The following NRG4 variants were observed in gnomAD, a reference collection of about 807,000 sequenced individuals.
The protein encoded by NRG4 is pro-neuregulin-4, membrane-bound isoform.
In NRG4, 10 loss-of-function variants were observed where a neutral mutation model predicts 15.0. The ratio of observed to expected loss-of-function variants is 0.67; its 90% CI spans 0.41 to 1.13. The LOEUF (loss-of-function observed/expected upper bound fraction) is 1.13, where lower values mean the gene tolerates loss of function less well. NRG4 is among the 50% of genes most tolerant of loss of function. NRG4 has a pLI of 0.00. For synonymous variants in NRG4, 41 were observed against 50.1 expected, an observed-to-expected ratio of 0.82 and a Z score of 0.77; for missense variants, 139 against 140.2, an observed-to-expected ratio of 0.99 and a Z score of 0.04.
At chr15:76,045,820 T>C (rs1177152056) in intron 4 of NRG4, among the ~76,000 whole-genome samples, 1 of 150,908 alleles carries the variant, frequency 6.6e-6, no homozygotes, top group Non-Finnish European at 1.5e-5. Flanking sequence ...GTGGGGATAG[T>C]TAATGGATCC....
At chr15:75,959,722 A>G (rs147784370) in intron 4 of NRG4, among the ~76,000 whole-genome samples, 1 of 151,924 alleles carries the variant, frequency 6.6e-6, no homozygotes, top group Non-Finnish European at 1.5e-5. Context: ...GCTGGTCTCA[A>G]ACTCCTGGGC....
At chr15:76,021,453 T>A (rs2035151681) in intron 5 of NRG4, among the ~76,000 whole-genome samples, 1 of 152,254 alleles carries the variant, frequency 6.6e-6, no homozygotes, top group South Asian at 2.1e-4. Flanking sequence ...AAAATTTGTG[T>A]GACTCACTTT....
chr15:76,036,580 A>G (rs542540464), intron 4 of NRG4, among the ~76,000 whole-genome samples: 1 of 152,212 alleles, frequency 6.6e-6, no homozygotes, highest in African/African-American at 2.4e-5. Context: ...GAGAAAAATC[A>G]TTGTGTCTAC....
intron 4 of NRG4, among the ~76,000 whole-genome samples, chr15:76,051,512 TTTG>T (rs1249590417): frequency 6.6e-6 from 1 of 150,736 alleles, no homozygotes. Context: ...GCAACAGCAC[TTTG>T]TTGTTTCTAC....
At position 76,024,084 on chromosome 15, in the gene NRG4, C is replaced by A. The variant is rs1289653398; in HGVS notation, c.-57+11860G>T. Reference sequence around the variant, plus strand: ...AAGGCCCCATGCCTGCAATCAGAGCCTGAGAAACAGATTCATGGGCTACTC... The same window carrying A: ...AAGGCCCCATGCCTGCAATCAGAGCATGAGAAACAGATTCATGGGCTACTC... On this transcript the variant is annotated intron_variant, in intron 5 of 8. Transcript: ENST00000563910. Among the ~76,000 whole-genome samples the A allele has an allele frequency of 2.0e-5, 3 of 152,236 alleles. 1 individual carries two copies. The South Asian group carries it at 6.2e-4, about 31-fold the overall frequency.
At chr15:76,053,631 A>G (rs1454117953) in intron 2 of NRG4, among the ~76,000 whole-genome samples, 1 of 150,738 alleles carries the variant, frequency 6.6e-6, no homozygotes, top group Non-Finnish European at 1.5e-5. Flanking sequence ...ATCTTGGCTC[A>G]CTGCAACCTC....
chr15:76,053,862 A>G (rs1343369544), intron 2 of NRG4, among the ~76,000 whole-genome samples: 1 of 151,080 alleles, frequency 6.6e-6, no homozygotes, highest in Non-Finnish European at 1.5e-5. Context: ...TAGCTTAATT[A>G]TACCACAATT....
chr15:75,956,115 CCT>C (rs2032226165), intron 4 of NRG4, 104 bp from the exon 5 acceptor site: 3 of 670,144 alleles, frequency 4.5e-6, no homozygotes, highest in East Asian at 2.7e-5. Flanking sequence ...CCTTCTTCCC[CCT>C]TTTTACAACA....
intron 3 of NRG4, among the ~76,000 whole-genome samples, chr15:76,007,784 A>C (rs2034661005): frequency 6.6e-6 from 1 of 152,206 alleles, no homozygotes; most frequent in Non-Finnish European, 1.5e-5. Context: ...TCTACGTGCC[A>C]TATCACCTTA....
At chr15:75,980,211 G>GA (rs1416120623) in intron 3 of NRG4, among the ~76,000 whole-genome samples, 1 of 152,070 alleles carries the variant, frequency 6.6e-6, no homozygotes, top group Non-Finnish European at 1.5e-5. Context: ...AAATGGAAAA[G>GA]AAAGCATGTC....
rs71140190 is a variant in NRG4, at chr15:75,968,585, T to TAA, written c.105-6613_105-6612dup. 8.5e-3 allele frequency among the ~76,000 whole-genome samples: 847 copies of TAA among 99,090 alleles called. 20 individuals are homozygous for TAA. Among genetic ancestry groups the TAA allele is most frequent in the African/African-American group, 0.027 (675 of 25,066 alleles). 65.0% of individuals were successfully genotyped at this position (99,090 alleles called of 152,430 possible). A position where few individuals can be genotyped will look rare whatever the true frequency, so the allele number is the denominator to read the frequency against. ...CTTGGCGATAGAGCGAAACTCCATC[T>TAA]AAAAAAAAAAAAAAAAAAAAAGTCT... On this transcript the variant is annotated intron_variant, in intron 3 of 5. Coordinates refer to ENST00000394907, the MANE Select transcript of NRG4 (RefSeq NM_138573.4).
intron 3 of NRG4, among the ~76,000 whole-genome samples, chr15:75,964,442 T>G (rs2032690061): frequency 6.6e-6 from 1 of 152,212 alleles, no homozygotes; most frequent in Non-Finnish European, 1.5e-5. Context: ...CTGTCATACT[T>G]TTAAAATAAC....
At chr15:75,949,231 AAACCCCGTCTCTACCG>A (rs1311256488) in intron 5 of NRG4, among the ~76,000 whole-genome samples, 3 of 152,064 alleles carry the variant, frequency 2.0e-5, no homozygotes, top group Non-Finnish European at 2.9e-5. Flanking sequence ...GGCCAACACC[AAACCCCGTCTCTACCG>A]AAAAATACAA....
chr15:75,988,849 C>CT (rs983913190), intron 3 of NRG4, among the ~76,000 whole-genome samples: 17 of 141,038 alleles, frequency 1.2e-4, no homozygotes, highest in Non-Finnish European at 2.2e-4. Context: ...AATCCTGCAC[C>CT]TTCCTTTTTT....
downstream of NRG4, chr15:75,936,155 A>G (rs962330188): frequency 1.3e-5 from 2 of 152,206 alleles, no homozygotes; most frequent in Non-Finnish European, 2.9e-5. Context: ...TTGTCATTTT[A>G]TACCCAGTCT....
chr15:75,944,710 A>G (rs370355394), intron 5 of NRG4, among the ~76,000 whole-genome samples: 2 of 152,032 alleles, frequency 1.3e-5, no homozygotes, highest in South Asian at 2.1e-4. Context: ...CAGAGAATCT[A>G]ACTTTATTTT....
rs180877976 is a variant in NRG4, at chr15:76,000,780, A to G, written c.104+8420T>C. Among the ~76,000 whole-genome samples, 262 of 152,268 alleles carry G rather than the reference A, an allele frequency of 1.7e-3. 5 individuals are homozygous for G. Among genetic ancestry groups the G allele is most frequent in the African/African-American group, 5.7e-3 (236 of 41,554 alleles). ...TGTGTACTTCTGCACTGTGTGTACA[A>G]TACTCATTAATAGAGGCTTGGCTAA... On this transcript the variant is annotated intron_variant, in intron 3 of 5. Transcript: ENST00000394907.
At chr15:75,938,347 C>T (rs1731101285), downstream of NRG4, 5 of 152,052 alleles carry the variant, frequency 3.3e-5, no homozygotes, top group South Asian at 1.0e-3. Context: ...CTAGAGTTAC[C>T]ATATTATAAT....
At chr15:76,050,597 A>ATTTTTT (rs35228253) in intron 4 of NRG4, among the ~76,000 whole-genome samples, 5 of 108,954 alleles carry the variant, frequency 4.6e-5, no homozygotes, top group Non-Finnish European at 5.4e-5. Context: ...CGCTCGGCTA[A>ATTTTTT]TTTTTTTTTT....
Sources: allele counts gnomAD v4.1 joint callset (sites outside exome capture counted in the v4.1 genomes callset), GRCh38; gene constraint gnomAD v4.1.1; transcripts MANE v1.5; gene names NCBI Gene and HGNC (gene_info 2026-07-23, HGNC 2026-07-21).